PTPRE: variants seen among roughly 807,000 people sequenced by gnomAD.
PTPRE encodes receptor-type tyrosine-protein phosphatase epsilon.
PTPRE carries 51 observed loss-of-function variants against 102.0 expected under a neutral mutation model. The ratio of observed to expected loss-of-function variants is 0.50; its 90% confidence interval spans 0.40 to 0.63. The LOEUF (loss-of-function observed/expected upper bound fraction) is 0.63, where lower values mean the gene tolerates loss of function less well. PTPRE is among the 30% of genes least tolerant of loss of function. The pLI, the probability that PTPRE is intolerant of heterozygous loss-of-function variation, is 0.00. For synonymous variants in PTPRE, 345 were observed against 348.2 expected (o/e 0.99, Z 0.10); for missense variants, 752 against 915.1 (o/e 0.82, Z 2.30).
chr10:127,945,846 G>T (rs1213115429), intron 1 of PTPRE, among the ~76,000 whole-genome samples: 1 of 152,176 alleles, frequency 6.6e-6, no homozygotes, highest in African/African-American at 2.4e-5. Flanking sequence ...GCTAACCCCT[G>T]TGGGGTCGCT....
At chr10:128,057,267 T>C (rs576193030) in intron 7 of PTPRE, among the ~76,000 whole-genome samples, 1 of 151,792 alleles carries the variant, frequency 6.6e-6, no homozygotes, top group African/African-American at 2.4e-5. Flanking sequence ...GGCGTGCAGT[T>C]GGGGATCCTT....
At chr10:128,018,353 G>A (rs1845602422) in intron 2 of PTPRE, among the ~76,000 whole-genome samples, 4 of 152,216 alleles carry the variant, frequency 2.6e-5, no homozygotes, top group Admixed American at 2.6e-4. Flanking sequence ...CCCAGGGGCT[G>A]GATGGACCCA....
intron 7 of PTPRE, 94 bp from the exon 8 acceptor site, chr10:128,060,845 C>A: frequency 8.1e-7 from 1 of 1,240,618 alleles, no homozygotes; most frequent in Non-Finnish European, 1.2e-6. Context: ...GGAGCTGACA[C>A]TGCAGATGAA....
intron 2 of PTPRE, among the ~76,000 whole-genome samples, chr10:128,020,111 TGATTGTCA>T (rs1471079778): frequency 6.6e-6 from 1 of 152,004 alleles, no homozygotes; most frequent in African/African-American, 2.4e-5. Context: ...GGCTGTGGCG[TGATTGTCA>T]GATCGGAGGC....
intron 1 of PTPRE, among the ~76,000 whole-genome samples, chr10:127,971,071 T>A (rs370094710): frequency 6.6e-6 from 1 of 152,210 alleles, no homozygotes; most frequent in Non-Finnish European, 1.5e-5. Flanking sequence ...CAGAGGTCTC[T>A]GTGTCCTTTG....
intron 2 of PTPRE, among the ~76,000 whole-genome samples, chr10:127,994,875 G>A (rs544873160): frequency 3.3e-5 from 5 of 152,166 alleles, no homozygotes; most frequent in Non-Finnish European, 5.9e-5. Context: ...TCTGATAGCA[G>A]TTCTCTCCCC....
chr10:128,058,926 A>G (rs1042839919), intron 7 of PTPRE, among the ~76,000 whole-genome samples: 13 of 152,188 alleles, frequency 8.5e-5, no homozygotes, highest in Admixed American at 3.3e-4. Context: ...TCAGAGGTCA[A>G]GGTGCTTTGC....
chr10:127,984,081 T>TC (rs201608968), intron 2 of PTPRE, among the ~76,000 whole-genome samples: 286 of 70,584 alleles, frequency 4.1e-3, no homozygotes, highest in African/African-American at 0.017. Flanking sequence ...TTTCTTTCTT[T>TC]TTTTTTTTTT....
At chr10:127,921,162 A>T (rs1846573079) in intron 1 of PTPRE, among the ~76,000 whole-genome samples, 2 of 152,214 alleles carry the variant, frequency 1.3e-5, no homozygotes, top group Non-Finnish European at 2.9e-5. Context: ...AATACCAGCG[A>T]TCACTGGTGT....
intron 1 of PTPRE, among the ~76,000 whole-genome samples, chr10:127,945,538 G>A (rs1486280341): frequency 6.6e-6 from 1 of 152,212 alleles, no homozygotes; most frequent in African/African-American, 2.4e-5. Flanking sequence ...TGGAGCGTGT[G>A]TCACCTTCCT....
At chr10:128,036,704 C>A (rs184209528) in intron 2 of PTPRE, among the ~76,000 whole-genome samples, 3 of 152,308 alleles carry the variant, frequency 2.0e-5, no homozygotes, top group East Asian at 3.9e-4. Context: ...GGGACCCTAC[C>A]TTTGAAATCC....
chr10:127,922,145 C>A (rs1846649178), intron 1 of PTPRE, among the ~76,000 whole-genome samples: 2 of 152,230 alleles, frequency 1.3e-5, no homozygotes, highest in Admixed American at 6.5e-5. Flanking sequence ...TGTCAGGCAG[C>A]TGAGCTGACA....
chr10:127,917,310 G>C (rs566941012), intron 1 of PTPRE, among the ~76,000 whole-genome samples: 2 of 152,116 alleles, frequency 1.3e-5, no homozygotes, highest in Admixed American at 6.6e-5. Context: ...AAAGGGAAGC[G>C]AAGAGAGTTT....
Position 128,070,041 on chromosome 10 carries a change from G to T in PTPRE, c.1143+214G>T. 1.4e-6 allele frequency: 1 copy of T among 733,872 alleles called. No homozygotes were observed. Among genetic ancestry groups the T allele is most frequent in the Admixed American group, 2.9e-5 (1 of 35,082 alleles). 45.5% of individuals were successfully genotyped at this position (733,872 alleles called of 1,614,324 possible). A position where few individuals can be genotyped will look rare whatever the true frequency, so the allele number is the denominator to read the frequency against. On this transcript the variant is annotated intron_variant, in intron 13 of 20. Coordinates refer to ENST00000254667, the MANE Select transcript of PTPRE (RefSeq NM_006504.6). This position sits in a 1 kb window ranked among gnomAD's most constrained non-coding sequence, Gnocchi z 4.8. ...CCCTCGTATCCTCATGTGAGATGGG[G>T]CAATCCTACTCCCCCAAACGGTGCA...
At chr10:128,080,247 C>T (rs973670192) in intron 20 of PTPRE, among the ~76,000 whole-genome samples, 3 of 152,216 alleles carry the variant, frequency 2.0e-5, no homozygotes, top group Non-Finnish European at 4.4e-5. Context: ...GCGATTCCTC[C>T]TCACCAAATA....
intron 1 of PTPRE, among the ~76,000 whole-genome samples, chr10:127,920,261 A>T (rs1846499832): frequency 6.6e-6 from 1 of 152,200 alleles, no homozygotes; most frequent in African/African-American, 2.4e-5. Context: ...AAGGCTGGAA[A>T]GCCTCCGTGA....
intron 1 of PTPRE, among the ~76,000 whole-genome samples, chr10:127,982,031 G>A (rs1372106719): frequency 1.3e-5 from 2 of 152,090 alleles, no homozygotes; most frequent in East Asian, 3.9e-4. Flanking sequence ...CTAGGTCAGT[G>A]GCCACACCCC....
Position 128,077,789 on chromosome 10 carries a change from C to T in PTPRE, c.1892+6C>T, listed in dbSNP as rs780208057. On this transcript the variant is annotated splice_donor_region_variant and intron_variant, in intron 19 of 20. Transcript: ENST00000254667. Reference sequence around the variant, plus strand: ...CCCATCACCGTGCACTGCAGGTGAGCCCCCAGCCCGAAGCCCTCCAGGTGG... The same window carrying T: ...CCCATCACCGTGCACTGCAGGTGAGTCCCCAGCCCGAAGCCCTCCAGGTGG... 3.4e-5 allele frequency: 54 copies of T among 1,581,436 alleles called. No homozygotes were observed. The highest frequency in any genetic ancestry group is 4.4e-5 in the Non-Finnish European group (51 of 1,154,796).
chr10:128,052,278 C>A (rs61248198), intron 6 of PTPRE, among the ~76,000 whole-genome samples: 33,197 of 152,136 alleles, frequency 0.22, 3,827 homozygotes, highest in Non-Finnish European at 0.27. Flanking sequence ...GAAAGGGAGA[C>A]ACCAGAGTCT....
Sources: gnomAD v4.1 joint callset for allele counts (sites outside exome capture counted in the v4.1 genomes callset) on GRCh38, gnomAD v4.1.1 for gene constraint, Gnocchi (gnomAD v3.1) non-coding constraint, MANE v1.5 for transcripts, NCBI Gene and HGNC (gene_info 2026-07-23, HGNC 2026-07-21) for gene names.